ERI1: variants seen among roughly 807,000 people sequenced by gnomAD.
The protein encoded by ERI1 is exoribonuclease 1, also known as 3'-5' exoribonuclease 1.
In ERI1, 39 loss-of-function variants were observed where a neutral mutation model predicts 39.7. The observed-to-expected ratio is 0.98, with a 90% CI of 0.76 to 1.28. The LOEUF (loss-of-function observed/expected upper bound fraction) is 1.28, where lower values mean the gene tolerates loss of function less well. Ranked by LOEUF, ERI1 falls within the 50% of genes most tolerant of loss-of-function variation. ERI1 has a pLI of 0.00. For synonymous variants in ERI1, 204 were observed against 149.6 expected, an observed-to-expected ratio of 1.36 and a Z score of -2.65; for missense variants, 581 against 416.9, an observed-to-expected ratio of 1.39 and a Z score of -3.43.
intron 3 of ERI1, among the ~76,000 whole-genome samples, chr8:9,088,145 A>G (rs1799587495): frequency 6.6e-6 from 1 of 152,140 alleles, no homozygotes; most frequent in South Asian, 2.1e-4. Context: ...GGTTGAGGTC[A>G]GTTCAAAAAG....
chr8:9,044,302 A>G (rs1263427382), intron 3 of ERI1, among the ~76,000 whole-genome samples: 1 of 152,206 alleles, frequency 6.6e-6, no homozygotes. Flanking sequence ...TTCTCTGATT[A>G]GCGGATAAGT....
intron 1 of ERI1, among the ~76,000 whole-genome samples, chr8:9,004,655 C>A (rs1211928064): frequency 6.6e-6 from 1 of 150,394 alleles, no homozygotes; most frequent in East Asian, 1.9e-4. Flanking sequence ...CAGAGTGAGA[C>A]CCTGTCTCAA....
chr8:9,004,221 C>T, intron 1 of ERI1: 3 of 1,264,284 alleles, frequency 2.4e-6, no homozygotes, highest in South Asian at 2.6e-5. Context: ...AGTACTTGCA[C>T]ATCCCTTCTC....
chr8:9,060,369 G>T (rs1798651704), intron 3 of ERI1, among the ~76,000 whole-genome samples: 2 of 152,050 alleles, frequency 1.3e-5, no homozygotes, highest in Admixed American at 1.3e-4. Context: ...CTGACTTGGG[G>T]CATGTTGAGT....
At chr8:9,020,981 T>A (rs6993811) in intron 6 of ERI1, among the ~76,000 whole-genome samples, 28 of 152,062 alleles carry the variant, frequency 1.8e-4, no homozygotes, top group Non-Finnish European at 1.5e-5. Flanking sequence ...CTTATACTAC[T>A]TCTTGACTTT....
At chr8:9,010,414 C>T (rs1031884589) in intron 2 of ERI1, among the ~76,000 whole-genome samples, 3 of 152,104 alleles carry the variant, frequency 2.0e-5, no homozygotes, top group African/African-American at 4.8e-5. Context: ...GGATTTTCTC[C>T]GTAGGTCTTG....
chr8:9,084,720 G>C (rs1175557346), intron 3 of ERI1, among the ~76,000 whole-genome samples: 1 of 152,114 alleles, frequency 6.6e-6, no homozygotes, highest in African/African-American at 2.4e-5. Flanking sequence ...CAAGGAGTTT[G>C]TGAGTACCCT....
intron 3 of ERI1, among the ~76,000 whole-genome samples, chr8:9,042,767 C>T (rs774079390): frequency 7.2e-5 from 11 of 152,130 alleles, no homozygotes; most frequent in South Asian, 4.1e-4. Flanking sequence ...GTCATGATTT[C>T]GGATTAGTGA....
At chr8:9,037,499 G>GT (rs765490347), downstream of ERI1, among the ~76,000 whole-genome samples, 3,176 of 144,180 alleles carry the variant, frequency 0.022, 77 homozygotes, top group African/African-American at 0.059. Flanking sequence ...GTATTGTTGG[G>GT]TTTTTTTTTT....
intron 3 of ERI1, chr8:9,100,076 A>C (rs902320303): frequency 1.3e-5 from 2 of 152,786 alleles, no homozygotes; most frequent in Non-Finnish European, 2.9e-5. Flanking sequence ...CCCTTCAATA[A>C]AATTTGTAAT....
At chr8:9,094,089 G>A (rs1233229517) in intron 3 of ERI1, among the ~76,000 whole-genome samples, 1 of 152,094 alleles carries the variant, frequency 6.6e-6, no homozygotes, top group Non-Finnish European at 1.5e-5. Context: ...ATAATAACAA[G>A]TATAGTAGTA....
At chr8:9,063,339 A>G (rs187958023) in intron 3 of ERI1, among the ~76,000 whole-genome samples, 109 of 152,298 alleles carry the variant, frequency 7.2e-4, no homozygotes, top group Admixed American at 4.1e-3. Context: ...AAAAAGCATT[A>G]ACCTTGACTA....
intron 3 of ERI1, among the ~76,000 whole-genome samples, chr8:9,095,076 C>T (rs1799834744): frequency 6.6e-6 from 1 of 152,212 alleles, no homozygotes; most frequent in Admixed American, 6.5e-5. Flanking sequence ...CTTCCATCAG[C>T]TGCAAGATGA....
chr8:9,078,330 CT>C (rs112344131), intron 3 of ERI1, among the ~76,000 whole-genome samples: 274 of 145,804 alleles, frequency 1.9e-3, no homozygotes, highest in Non-Finnish European at 1.9e-3. Context: ...CTGTATAGCA[CT>C]TTTTTTTTTT....
chr8:9,009,563 CAG>C (rs899206833), intron 2 of ERI1, among the ~76,000 whole-genome samples: 1 of 152,084 alleles, frequency 6.6e-6, no homozygotes, highest in Non-Finnish European at 1.5e-5. Flanking sequence ...TTTTTTGAGA[CAG>C]AGTCTTGCTC....
intron 3 of ERI1, among the ~76,000 whole-genome samples, chr8:9,042,356 G>C (rs1798052636): frequency 6.6e-6 from 1 of 152,060 alleles, no homozygotes; most frequent in Non-Finnish European, 1.5e-5. Flanking sequence ...TCTCTCTTTT[G>C]AGATCCAATT....
rs3083379 is a variant in ERI1, at chr8:9,023,793, C to CTTTTTTTT, written c.807+3345_807+3352dup. 2.3e-3 allele frequency among the ~76,000 whole-genome samples: 189 copies of CTTTTTTTT among 80,548 alleles called. 11 individuals are homozygous for CTTTTTTTT. Among genetic ancestry groups the CTTTTTTTT allele is most frequent in the Non-Finnish European group, 3.0e-3 (141 of 46,686 alleles). The allele number at this position is 80,548 out of a possible 152,430, so 52.8% of individuals were successfully genotyped here. A position where few individuals can be genotyped will look rare whatever the true frequency, so the allele number is the denominator to read the frequency against. On this transcript the variant is annotated intron_variant, in intron 6 of 6. Transcript: ENST00000250263. ...ACATTTTTTTTTTAAGTAAAAATGA[C>CTTTTTTTT]TTTTTTTTTTTTTTTTTTTTTTTGA...
intron 2 of ERI1, among the ~76,000 whole-genome samples, chr8:9,010,524 TC>T (rs1239470056): frequency 6.6e-6 from 1 of 152,222 alleles, no homozygotes; most frequent in Non-Finnish European, 1.5e-5. Flanking sequence ...AGGATTTTTT[TC>T]AGTGCTTAAT....
At chr8:9,014,995 G>A (rs140289841) in intron 3 of ERI1, among the ~76,000 whole-genome samples, 11 of 151,938 alleles carry the variant, frequency 7.2e-5, no homozygotes, top group Admixed American at 4.6e-4. Context: ...ATGCCACCTC[G>A]CCCAGCTAAT....
Sources: gnomAD v4.1 joint callset for allele counts (sites outside exome capture counted in the v4.1 genomes callset) on GRCh38, gnomAD v4.1.1 for gene constraint, MANE v1.5 for transcripts, NCBI Gene and HGNC (gene_info 2026-07-23, HGNC 2026-07-21) for gene names.